Variants in CNP observed in about 807,000 individuals in gnomAD.
CNP encodes 2',3'-cyclic nucleotide 3' phosphodiesterase.
Under a neutral mutation model 37.9 loss-of-function variants are expected in CNP, and 8 were observed. The ratio of observed to expected loss-of-function variants is 0.21; its 90% confidence interval spans 0.12 to 0.38. The LOEUF (loss-of-function observed/expected upper bound fraction) is 0.38. Ranked by LOEUF, CNP falls within the 10% of genes least tolerant of loss-of-function variation. The probability of loss-of-function intolerance (pLI) is 1.00; values close to 1 mark genes in which losing one functional copy is unlikely to be tolerated. For synonymous variants in CNP, 237 were observed against 238.3 expected (o/e 0.99, Z 0.05); for missense variants, 457 against 551.0 (o/e 0.83, Z 1.71).
Position 41,973,731 on chromosome 17 carries a change from G to A in CNP, c.1073G>A (p.Gly358Asp), listed in dbSNP as rs782284945. ...LLEILRQEKG[G>D]SRGEEVGELS... is the part of the protein sequence containing the mutation. ...GAGATTCTGCGGCAGGAGAAGGGGG[G>A]CAGCCGAGGCGAGGAGGTGGGCGAG... Residue 358 changes from glycine (G) to aspartate (D), a missense_variant, in exon 4 of 4, where the codon GGC (glycine) becomes GAC (aspartate). By Grantham distance (94) the Gly-to-Asp change is moderately conservative. Coordinates refer to ENST00000393892, the MANE Select transcript of CNP (RefSeq NM_033133.5). 18 of 1,611,212 alleles carry A rather than the reference G, an allele frequency of 1.1e-5. No homozygotes were observed. The highest frequency in any genetic ancestry group is 1.5e-5 in the Non-Finnish European group (18 of 1,178,480).
chr17:41,973,469 C>A lies in CNP; in HGVS notation c.817-6C>A. ...AGCTTGGGCCCCTCTTTCTCACTCT[C>A]CCCAGGTGTTAAAGAAATCTTACTC... On this transcript the variant is annotated splice_region_variant and splice_polypyrimidine_tract_variant and intron_variant, in intron 3 of 3. Coordinates refer to ENST00000393892, the MANE Select transcript of CNP (RefSeq NM_033133.5). The A allele has an allele frequency of 6.2e-7, 1 of 1,611,446 alleles. No homozygotes were observed. Among genetic ancestry groups the A allele is most frequent in the Non-Finnish European group, 8.5e-7 (1 of 1,178,550 alleles).
chr17:41,971,809 G>A, intron 2 of CNP, 83 bp from the exon 3 acceptor site: 1 of 1,571,030 alleles, frequency 6.4e-7, no homozygotes, highest in South Asian at 1.1e-5. Context: ...CGAGTGTTTT[G>A]CGCTGGGCCT....
rs1322187499 is a variant in CNP, at chr17:41,977,137, C to T, written c.*3213C>T. On this transcript the variant is annotated 3_prime_UTR_variant, in exon 4 of 4. Coordinates refer to ENST00000393892, the MANE Select transcript of CNP (RefSeq NM_033133.5). ...AGCAACAGCCGAGTGGATAGATGCC[C>T]TGCTAGATGAGAATTCAGCTGCCCC... The T allele has an allele frequency of 1.0e-6, 1 of 977,822 alleles. No homozygotes were observed. The highest frequency in any genetic ancestry group is 1.6e-5 in the African/African-American group (1 of 60,900). The allele number at this position is 977,822 out of a possible 1,614,324, so 60.6% of individuals were successfully genotyped here. A position where few individuals can be genotyped will look rare whatever the true frequency, so the allele number is the denominator to read the frequency against.
chr17:41,967,669 TC>T (rs1265771297), intron 1 of CNP: 16 of 1,029,018 alleles, frequency 1.6e-5, no homozygotes, highest in East Asian at 8.3e-5. Flanking sequence ...CCTTCTCCAC[TC>T]CCCCCCTTCT....
chr17:41,976,596 C>A lies in CNP; in HGVS notation c.*2672C>A. ...CTTTGCTCCACCCCACTCACAGAGA[C>A]ACAGGGCATCCAACTGAGAAAACGA... is the stretch of plus-strand genomic sequence containing the variant. On this transcript the variant is annotated 3_prime_UTR_variant, in exon 4 of 4. Transcript: ENST00000393892. 1 of 1,126,338 alleles carries A rather than the reference C, an allele frequency of 8.9e-7. No individual in the cohort carries two copies. 69.8% of individuals were successfully genotyped at this position (1,126,338 alleles called of 1,614,324 possible).
rs1431506716 is a variant in CNP at position 41,975,911 on chromosome 17, A to C, written c.*1987A>C. On this transcript the variant is annotated 3_prime_UTR_variant, in exon 4 of 4. Coordinates refer to ENST00000393892, the MANE Select transcript of CNP (RefSeq NM_033133.5). ...GAGCAGTGTGTCTCCTGCATGCAGAAAGGGAGCAGAGAAGGCCAGGGGCTT... is the reference window on the plus strand; with the variant it reads ...GAGCAGTGTGTCTCCTGCATGCAGACAGGGAGCAGAGAAGGCCAGGGGCTT... 6.6e-6 allele frequency: 1 copy of C among 152,248 alleles called. No homozygotes were observed. Among genetic ancestry groups the C allele is most frequent in the African/African-American group, 2.4e-5 (1 of 41,436 alleles). The allele number at this position is 152,248 out of a possible 1,614,324, so 9.4% of individuals were successfully genotyped here. A position where few individuals can be genotyped will look rare whatever the true frequency, so the allele number is the denominator to read the frequency against.
In CNP at chr17:41,976,605, T is replaced by C. The variant is rs1370733227; in HGVS notation, c.*2681T>C. On this transcript the variant is annotated 3_prime_UTR_variant, in exon 4 of 4. Transcript: ENST00000393892. ...ACCCCACTCACAGAGACACAGGGCA[T>C]CCAACTGAGAAAACGAAACTGCTCT... The C allele has an allele frequency of 5.9e-6, 7 of 1,195,634 alleles. No homozygotes were observed. The highest frequency in any genetic ancestry group is 8.1e-6 in the Non-Finnish European group (7 of 864,986). The allele number at this position is 1,195,634 out of a possible 1,614,324, so 74.1% of individuals were successfully genotyped here. A position where few individuals can be genotyped will look rare whatever the true frequency, so the allele number is the denominator to read the frequency against.
chr17:41,967,202 C>T (rs1555643053), intron 1 of CNP: 2 of 287,582 alleles, frequency 7.0e-6, no homozygotes, highest in Non-Finnish European at 1.3e-5. Flanking sequence ...CGCAGGCCCG[C>T]GCTGGGGCAG....
In CNP at chr17:41,974,007, T is replaced by A; in HGVS notation, c.*83T>A. ...TGTTTGATCCTTGTTTTGTGACATT[T>A]TTTTTTTTTTTTTTTTTACTCAAAG... On this transcript the variant is annotated 3_prime_UTR_variant, in exon 4 of 4. Transcript: ENST00000393892. 2 of 505,190 alleles carry A rather than the reference T, an allele frequency of 4.0e-6. No individual in the cohort carries two copies. Among genetic ancestry groups the A allele is most frequent in the Non-Finnish European group, 5.3e-6 (2 of 379,960 alleles). 31.3% of individuals were successfully genotyped at this position (505,190 alleles called of 1,614,324 possible).
chr17:41,968,713 A>C lies in CNP; in HGVS notation c.649A>C (p.Lys217Gln). 1 of 1,611,760 alleles carries C rather than the reference A, an allele frequency of 6.2e-7. No homozygotes were observed. The highest frequency in any genetic ancestry group is 2.2e-5 in the East Asian group (1 of 44,814). ...QVFLEELGNH[K>Q]AFKKELRQFV... ...CTTCCTGGAAGAGCTGGGGAACCAC[A>C]AGGCCTTCAAGAAGGAGCTGCGACA... is the stretch of plus-strand genomic sequence containing the variant. Residue 217 changes from lysine (K) to glutamine (Q), a missense_variant, in exon 2 of 4, where the codon AAG (lysine) becomes CAG (glutamine). By Grantham distance (53) the Lys-to-Gln change is moderately conservative (BLOSUM62 1). Coordinates refer to ENST00000393892, the MANE Select transcript of CNP (RefSeq NM_033133.5). This position sits in a 1 kb window ranked among gnomAD's most constrained non-coding sequence, Gnocchi z 4.8.
rs1555645125 is a variant in CNP at position 41,977,344 on chromosome 17, C to T, written c.*3420C>T. 3 of 1,566,280 alleles carry T rather than the reference C, an allele frequency of 1.9e-6. No individual in the cohort carries two copies. In the Admixed American group the frequency reaches 5.7e-5, roughly 30 times the overall value. On this transcript the variant is annotated 3_prime_UTR_variant, in exon 4 of 4. Coordinates refer to ENST00000393892, the MANE Select transcript of CNP (RefSeq NM_033133.5). ...AAAATCTGTAGAGCAGGGCAAGTAACATGGAAGGGAAGAAAAGGTGAAAAA... is the reference window on the plus strand; with the variant it reads ...AAAATCTGTAGAGCAGGGCAAGTAATATGGAAGGGAAGAAAAGGTGAAAAA...
In CNP at chr17:41,973,846, G is replaced by A. The variant is rs2070106; in HGVS notation, c.1188G>A (p.Gly396=). ...KNMEVRAIFT[G]YYGKGKPVPT... is the part of the protein sequence containing the mutation. ...TGGAGGTCAGGGCCATCTTCACGGGGTACTACGGGAAAGGCAAACCTGTGC... is the reference window on the plus strand; with the variant it reads ...TGGAGGTCAGGGCCATCTTCACGGGATACTACGGGAAAGGCAAACCTGTGC... Residue 396 remains glycine, a synonymous_variant, in exon 4 of 4, where the codon GGG becomes GGA. Transcript: ENST00000393892. 0.32 allele frequency: 506,531 copies of A among 1,603,894 alleles called. 83,452 individuals carry two copies. The highest frequency in any genetic ancestry group is 0.4 in the East Asian group (17,865 of 44,672).
chr17:41,974,002 ACAT>A lies in CNP; in HGVS notation c.*79_*81del. The A allele has an allele frequency of 2.8e-6, 3 of 1,072,124 alleles. No homozygotes were observed. The highest frequency in any genetic ancestry group is 3.6e-6 in the Non-Finnish European group (3 of 824,942). The allele number at this position is 1,072,124 out of a possible 1,614,324, so 66.4% of individuals were successfully genotyped here. A position where few individuals can be genotyped will look rare whatever the true frequency, so the allele number is the denominator to read the frequency against. On this transcript the variant is annotated 3_prime_UTR_variant, in exon 4 of 4. Coordinates refer to ENST00000393892, the MANE Select transcript of CNP (RefSeq NM_033133.5). Reference sequence around the variant, plus strand: ...CCCTCTGTTTGATCCTTGTTTTGTGACATTTTTTTTTTTTTTTTTTTTACTCAA... The same window carrying A: ...CCCTCTGTTTGATCCTTGTTTTGTGATTTTTTTTTTTTTTTTTTTACTCAA...
rs782795947 is a variant in CNP, at chr17:41,976,644, C to T, written c.*2720C>T. 20 of 1,531,092 alleles carry T rather than the reference C, an allele frequency of 1.3e-5. No homozygotes were observed. The highest frequency in any genetic ancestry group is 6.8e-5 in the East Asian group (3 of 44,244). The allele number at this position is 1,531,092 out of a possible 1,614,324, so 94.8% of individuals were successfully genotyped here. ...CGAAACTGCTCTAAGCACACGGAGA[C>T]GTGATGAAGGGAGGAGGTGAACTGT... On this transcript the variant is annotated 3_prime_UTR_variant, in exon 4 of 4. Coordinates refer to ENST00000393892, the MANE Select transcript of CNP (RefSeq NM_033133.5).
At chr17:41,967,582 T>C (rs1418471053) in intron 1 of CNP, 2 of 891,034 alleles carry the variant, frequency 2.2e-6, no homozygotes, top group Non-Finnish European at 2.7e-6. Context: ...TGTGGGACCA[T>C]TGTACCCGCA....
At position 41,966,991 on chromosome 17, in the gene CNP, G is replaced by A. The variant is rs952831467; in HGVS notation, c.3+104G>A. Reference sequence around the variant, plus strand: ...CTTGCAAACGAGGACCCGGGGCTCCGGGTTCGACTTCCAGTTTTCTTGGTA... The same window carrying A: ...CTTGCAAACGAGGACCCGGGGCTCCAGGTTCGACTTCCAGTTTTCTTGGTA... On this transcript the variant is annotated intron_variant, in intron 1 of 3. Coordinates refer to ENST00000393892, the MANE Select transcript of CNP (RefSeq NM_033133.5). 14 of 1,217,528 alleles carry A rather than the reference G, an allele frequency of 1.1e-5. No individual in the cohort carries two copies. The Admixed American group carries it at 5.9e-4, about 51-fold the overall frequency. 75.4% of individuals were successfully genotyped at this position (1,217,528 alleles called of 1,614,324 possible). A position where few individuals can be genotyped will look rare whatever the true frequency, so the allele number is the denominator to read the frequency against.
At chr17:41,969,036 T>C (rs148400885) in intron 2 of CNP, among the ~76,000 whole-genome samples, 1 of 152,280 alleles carries the variant, frequency 6.6e-6, no homozygotes, top group African/African-American at 2.4e-5. Flanking sequence ...GTCCCTTGTC[T>C]TGGAGGTGGG....
At chr17:41,967,151 G>A in intron 1 of CNP, 2 of 371,472 alleles carry the variant, frequency 5.4e-6, no homozygotes, top group Non-Finnish European at 9.4e-6. Context: ...GGGAGCCTGG[G>A]TGGGCCTGGG....
chr17:41,971,360 G>A (rs1212750180), intron 2 of CNP: 2 of 152,224 alleles, frequency 1.3e-5, no homozygotes, highest in African/African-American at 4.8e-5. Flanking sequence ...GAGAAGAGAT[G>A]GAAAGATCTA....
Sources: gnomAD v4.1 joint callset for allele counts (sites outside exome capture counted in the v4.1 genomes callset) on GRCh38, gnomAD v4.1.1 for gene constraint, Gnocchi (gnomAD v3.1) non-coding constraint, MANE v1.5 for transcripts, NCBI Gene and HGNC (gene_info 2026-07-23, HGNC 2026-07-21) for gene names.